ZFYVE28: variants seen among roughly 807,000 people sequenced by gnomAD.
ZFYVE28 encodes zinc finger FYVE-type containing 28.
ZFYVE28 carries 40 observed loss-of-function variants against 82.1 expected under a neutral mutation model. That is an observed-to-expected ratio of 0.49 (90% CI 0.38 to 0.63). The LOEUF (loss-of-function observed/expected upper bound fraction) is 0.63. Among genes scored for constraint, ZFYVE28 ranks in the 30% least tolerant of loss-of-function variants. The pLI is 0.00. For synonymous variants in ZFYVE28, 612 were observed against 546.1 expected, an observed-to-expected ratio of 1.12 and a Z score of -1.68; for missense variants, 1,321 against 1,242.1, an observed-to-expected ratio of 1.06 and a Z score of -0.96.
Position 2,418,363 on chromosome 4 carries a change from C to T in ZFYVE28, c.-40G>A, listed in dbSNP as rs1733361350. On this transcript the variant is annotated 5_prime_UTR_variant, in exon 1 of 13. Coordinates refer to ENST00000290974, the MANE Select transcript of ZFYVE28 (RefSeq NM_020972.3). The surrounding 1 kb of genome is among the most constrained non-coding windows in gnomAD (Gnocchi z 4.6). ...TGGCCGGACTCCGGGCGGCCCTCGCCCTCCGCAGCGCTGCGCCCGGGCCCG... is the reference window on the plus strand; with the variant it reads ...TGGCCGGACTCCGGGCGGCCCTCGCTCTCCGCAGCGCTGCGCCCGGGCCCG... 6.9e-7 allele frequency: 1 copy of T among 1,447,752 alleles called. No homozygotes were observed. The highest frequency in any genetic ancestry group is 3.2e-5 in the East Asian group (1 of 31,286). 89.7% of individuals were successfully genotyped at this position (1,447,752 alleles called of 1,614,324 possible).
chr4:2,383,734 C>T (rs760921927), intron 1 of ZFYVE28, among the ~76,000 whole-genome samples: 29 of 152,130 alleles, frequency 1.9e-4, no homozygotes, highest in Non-Finnish European at 3.8e-4. Flanking sequence ...GGAGGAGGTA[C>T]GCTTCACATT....
intron 1 of ZFYVE28, among the ~76,000 whole-genome samples, chr4:2,404,333 G>GAAAAAAAA: frequency 7.7e-5 from 1 of 13,024 alleles, no homozygotes; most frequent in Non-Finnish European, 1.7e-4. Flanking sequence ...AAAAAACGCT[G>GAAAAAAAA]AAGATGGAGC....
chr4:2,339,634 T>G lies in ZFYVE28; in HGVS notation c.340A>C (p.Ile114Leu). 3.7e-6 allele frequency: 6 copies of G among 1,606,544 alleles called. No homozygotes were observed. The highest frequency in any genetic ancestry group is 5.1e-6 in the Non-Finnish European group (6 of 1,177,166). The part of the protein sequence containing the change: ...GAECLAAGSI[I>L]MNRELESMAM... Reference sequence around the variant, plus strand: ...ATGCTCTCCAGCTCCCGGTTCATGATGATGGAGCCGGCGGCCAGGCACTGC... The same window carrying G: ...ATGCTCTCCAGCTCCCGGTTCATGAGGATGGAGCCGGCGGCCAGGCACTGC... The change falls in exon 4 of 13, where the codon ATC becomes CTC. Residue 114 changes from isoleucine (I) to leucine (L), a missense_variant. Physicochemically the swap from Ile to Leu is conservative, Grantham distance 5 (BLOSUM62 2). Transcript: ENST00000290974. This position sits in a 1 kb window ranked among gnomAD's most constrained non-coding sequence, Gnocchi z 5.0.
chr4:2,356,147 T>G (rs1343499753), intron 1 of ZFYVE28, among the ~76,000 whole-genome samples: 1 of 151,952 alleles, frequency 6.6e-6, no homozygotes. Context: ...ACCCCTGGGG[T>G]GGGGAGAGCA....
Position 2,320,065 on chromosome 4 carries a change from A to C in ZFYVE28, c.803+105T>G. 3 of 1,042,146 alleles carry C rather than the reference A, an allele frequency of 2.9e-6. No individual in the cohort carries two copies. Among genetic ancestry groups the C allele is most frequent in the Non-Finnish European group, 4.3e-6 (3 of 690,904 alleles). 64.6% of individuals were successfully genotyped at this position (1,042,146 alleles called of 1,614,324 possible). On this transcript the variant is annotated intron_variant, in intron 7 of 12. Coordinates refer to ENST00000290974, the MANE Select transcript of ZFYVE28 (RefSeq NM_020972.3). This position sits in a 1 kb window ranked among gnomAD's most constrained non-coding sequence, Gnocchi z 5.1. Reference sequence around the variant, plus strand: ...TATTAACCAGCCCATCCTTCCTCACAGAGAGGAGGAGGACCTGGAGGCGGC... The same window carrying C: ...TATTAACCAGCCCATCCTTCCTCACCGAGAGGAGGAGGACCTGGAGGCGGC...
chr4:2,296,861 C>T (rs1178557465), intron 8 of ZFYVE28, among the ~76,000 whole-genome samples: 1 of 152,208 alleles, frequency 6.6e-6, no homozygotes, highest in Non-Finnish European at 1.5e-5. Context: ...CCCCCACAGC[C>T]CAGCAGCTCA....
At chr4:2,303,855 C>T (rs1716022579) in intron 8 of ZFYVE28, among the ~76,000 whole-genome samples, 1 of 152,222 alleles carries the variant, frequency 6.6e-6, no homozygotes, top group African/African-American at 2.4e-5. Context: ...CAGTGGTCAG[C>T]AAAGAGAAGT....
intron 1 of ZFYVE28, among the ~76,000 whole-genome samples, chr4:2,368,443 G>A (rs1727153068): frequency 6.6e-6 from 1 of 152,054 alleles, no homozygotes; most frequent in East Asian, 1.9e-4. Context: ...TCTCAGAGCT[G>A]TGCAACCATC....
At chr4:2,392,373 G>GT (rs1055581704) in intron 1 of ZFYVE28, among the ~76,000 whole-genome samples, 20 of 152,270 alleles carry the variant, frequency 1.3e-4, no homozygotes, top group South Asian at 8.3e-4. Flanking sequence ...AATCCAATGC[G>GT]TAAGTACATC....
At chr4:2,395,390 G>A (rs528881308) in intron 1 of ZFYVE28, among the ~76,000 whole-genome samples, 14 of 152,350 alleles carry the variant, frequency 9.2e-5, no homozygotes, top group East Asian at 1.9e-4. Flanking sequence ...CTTTGCTTTC[G>A]CGCAGACAGC....
intron 1 of ZFYVE28, among the ~76,000 whole-genome samples, chr4:2,378,026 A>C (rs1728342330): frequency 6.6e-6 from 1 of 152,206 alleles, no homozygotes; most frequent in Non-Finnish European, 1.5e-5. Flanking sequence ...ACCTAAACAG[A>C]ATAGGTACAG....
At chr4:2,350,739 T>C (rs1287107116) in intron 2 of ZFYVE28, among the ~76,000 whole-genome samples, 1 of 152,162 alleles carries the variant, frequency 6.6e-6, no homozygotes, top group Non-Finnish European at 1.5e-5. Context: ...CAACAGCCAA[T>C]GATATATAAT....
Position 2,418,252 on chromosome 4 carries a change from CG to C in ZFYVE28, c.39+32del, listed in dbSNP as rs778652453. 4 of 1,528,400 alleles carry C rather than the reference CG, an allele frequency of 2.6e-6. No individual in the cohort carries two copies. The highest frequency in any genetic ancestry group is 1.4e-5 in the African/African-American group (1 of 71,352). The allele number at this position is 1,528,400 out of a possible 1,614,324, so 94.7% of individuals were successfully genotyped here. A position where few individuals can be genotyped will look rare whatever the true frequency, so the allele number is the denominator to read the frequency against. On this transcript the variant is annotated intron_variant, in intron 1 of 12. Coordinates refer to ENST00000290974, the MANE Select transcript of ZFYVE28 (RefSeq NM_020972.3). This position sits in a 1 kb window ranked among gnomAD's most constrained non-coding sequence, Gnocchi z 4.6. The stretch of plus-strand genomic sequence containing the variant: ...CCTGGGGAAGGGAGAGGCCGCGACG[CG>C]GGGGGCGTCCGGCCCGAGCGGGGCC...
rs151169783 is a variant in ZFYVE28 at position 2,304,772 on chromosome 4, G to A, written c.1568C>T (p.Ser523Leu). Residue 523 changes from serine to leucine, a missense_variant, in exon 8 of 13, where the codon TCG (serine) becomes TTG (leucine). Ser to Leu is a moderately radical substitution (Grantham distance 145). Around this residue, in one of 2 missense-constraint regions of ZFYVE28, gnomAD observed 978 missense variants for 833.7 expected, o/e 1.17. Transcript: ENST00000290974. ...GACCGCAGAGTCCAGGGAAGTGGGCGATTTGGGGTTGAAGATGACCGTGGC... is the reference window on the plus strand; with the variant it reads ...GACCGCAGAGTCCAGGGAAGTGGGCAATTTGGGGTTGAAGATGACCGTGGC... ...LSATVIFNPK[S>L]PTSLDSAVAT... 106 of 1,612,668 alleles carry A rather than the reference G, an allele frequency of 6.6e-5. No homozygotes were observed. In the Middle Eastern group the frequency reaches 9.9e-4, roughly 15 times the overall value.
intron 8 of ZFYVE28, among the ~76,000 whole-genome samples, chr4:2,289,489 T>C (rs1713269336): frequency 6.6e-6 from 1 of 152,092 alleles, no homozygotes; most frequent in Admixed American, 6.5e-5. Context: ...GGGCCAGACC[T>C]CAGGGCCACA....
Position 2,416,513 on chromosome 4 carries a change from C to G in ZFYVE28, c.39+1772G>C, listed in dbSNP as rs1733053388. The stretch of plus-strand genomic sequence containing the variant: ...CGCCCCCAAAACGCCGTTTTACAAG[C>G]AGACTTGGTTTTCAGTAACTGGTGA... On this transcript the variant is annotated intron_variant, in intron 1 of 12. Transcript: ENST00000290974. The surrounding 1 kb of genome is among the most constrained non-coding windows in gnomAD (Gnocchi z 4.6). Among the ~76,000 whole-genome samples the G allele has an allele frequency of 6.6e-6, 1 of 152,204 alleles. No individual in the cohort carries two copies. Among genetic ancestry groups the G allele is most frequent in the Admixed American group, 6.5e-5 (1 of 15,276 alleles).
intron 1 of ZFYVE28, among the ~76,000 whole-genome samples, chr4:2,359,141 A>AT (rs60652968): frequency 0.02 from 2,942 of 144,184 alleles, 93 homozygotes; most frequent in East Asian, 0.11. Flanking sequence ...GGCCCGGCTA[A>AT]TTTTTTTTTT....
At chr4:2,405,309 T>C (rs1198929481) in intron 1 of ZFYVE28, among the ~76,000 whole-genome samples, 2 of 152,176 alleles carry the variant, frequency 1.3e-5, no homozygotes, top group Non-Finnish European at 2.9e-5. Context: ...ACAGTGAGCT[T>C]TGAGGCAGGC....
At chr4:2,306,518 G>A (rs993310809) in intron 7 of ZFYVE28, among the ~76,000 whole-genome samples, 1 of 152,144 alleles carries the variant, frequency 6.6e-6, no homozygotes, top group Non-Finnish European at 1.5e-5. Flanking sequence ...GGAATTCTCA[G>A]TCTACACTCT....
Sources: allele counts gnomAD v4.1 joint callset (sites outside exome capture counted in the v4.1 genomes callset), GRCh38; gene constraint gnomAD v4.1.1; regional missense constraint gnomAD v4.1.1; non-coding constraint Gnocchi (gnomAD v3.1); transcripts MANE v1.5; gene names NCBI Gene and HGNC (gene_info 2026-07-23, HGNC 2026-07-21).